Variants in CTCF observed in about 807,000 individuals in gnomAD.
CTCF encodes CCCTC-binding factor.
In CTCF, 7 loss-of-function variants were observed where a neutral mutation model predicts 72.3. The observed-to-expected ratio is 0.10, with a 90% CI of 0.06 to 0.18. CTCF has a LOEUF of 0.18. Ranked by LOEUF, CTCF falls within the 10% of genes least tolerant of loss-of-function variation. The pLI is 1.00. For missense variants in CTCF, 516 were observed against 949.1 expected (o/e 0.54, Z 6.00); for synonymous variants, 374 against 315.8 (o/e 1.18, Z -1.95).
At chr16:67,580,332 C>T (rs1465101395) in intron 2 of CTCF, among the ~76,000 whole-genome samples, 1 of 151,956 alleles carries the variant, frequency 6.6e-6, no homozygotes, top group Non-Finnish European at 1.5e-5. Context: ...GCCTCAAGCT[C>T]CTGAGTAGCT....
intron 10 of CTCF, among the ~76,000 whole-genome samples, chr16:67,631,181 T>TGAGACAGTG (rs2052360386): frequency 6.6e-6 from 1 of 150,430 alleles, no homozygotes; most frequent in African/African-American, 2.5e-5. Context: ...TGTTTTTTTT[T>TGAGACAGTG]TGAGACAGTG....
chr16:67,577,705 C>T (rs1261610886), intron 2 of CTCF, among the ~76,000 whole-genome samples: 1 of 152,012 alleles, frequency 6.6e-6, no homozygotes, highest in Non-Finnish European at 1.5e-5. Context: ...CCTCGGCCTC[C>T]CAAAGTGCTG....
At chr16:67,619,804 G>C (rs905617754) in intron 5 of CTCF, among the ~76,000 whole-genome samples, 1 of 152,094 alleles carries the variant, frequency 6.6e-6, no homozygotes, top group Admixed American at 6.6e-5. Context: ...GGCTGGTCTC[G>C]AACTCCTGAC....
chr16:67,631,160 TTTTTG>T (rs1342262711), intron 10 of CTCF, among the ~76,000 whole-genome samples: 1 of 135,598 alleles, frequency 7.4e-6, no homozygotes, highest in East Asian at 1.9e-4. Context: ...GTTTGTTTTT[TTTTTG>T]TTTTTTGTTT....
intron 2 of CTCF, among the ~76,000 whole-genome samples, chr16:67,588,057 C>G (rs1018870539): frequency 6.6e-6 from 1 of 151,986 alleles, no homozygotes; most frequent in Non-Finnish European, 1.5e-5. Context: ...GGGGTTTCAC[C>G]ATGTTGGACA....
intron 2 of CTCF, among the ~76,000 whole-genome samples, chr16:67,588,901 G>A (rs1378862637): frequency 2.6e-5 from 4 of 151,984 alleles, no homozygotes; most frequent in Non-Finnish European, 5.9e-5. Context: ...ATGTTGGCCA[G>A]GCTGGTCTCG....
Position 67,631,686 on chromosome 16 carries a change from C to A in CTCF, c.1837+2153C>A, listed in dbSNP as rs1195843044. 2.7e-4 allele frequency among the ~76,000 whole-genome samples: 31 copies of A among 116,080 alleles called. 1 individual carries two copies. Among genetic ancestry groups the A allele is most frequent in the East Asian group, 6.7e-4 (2 of 2,982 alleles). The allele number at this position is 116,080 out of a possible 152,430, so 76.2% of individuals were successfully genotyped here. ...CTGTAACAAGGTCCCCCCCACCCCC[C>A]CCCCCTTTTTTTTTTCCTTTTTTTA... On this transcript the variant is annotated intron_variant, in intron 10 of 11. Transcript: ENST00000264010.
At chr16:67,588,460 A>G (rs1263822488) in intron 2 of CTCF, among the ~76,000 whole-genome samples, 1 of 152,050 alleles carries the variant, frequency 6.6e-6, no homozygotes, top group Non-Finnish European at 1.5e-5. Context: ...GGTCTCTAAC[A>G]TAGTCTCTTA....
intron 1 of CTCF, among the ~76,000 whole-genome samples, chr16:67,564,742 G>C (rs2051320626): frequency 6.6e-6 from 1 of 152,174 alleles, no homozygotes; most frequent in Non-Finnish European, 1.5e-5. Flanking sequence ...AATCGAGCCA[G>C]GAGTAAAGCT....
intron 1 of CTCF, 47 bp from the exon 2 acceptor site, chr16:67,571,101 T>G (rs2051413092): frequency 1.3e-5 from 2 of 152,504 alleles, no homozygotes; most frequent in South Asian, 4.1e-4. Flanking sequence ...ATATGCGTAT[T>G]TGTATGAATT....
intron 1 of CTCF, chr16:67,568,114 C>G (rs968376550): frequency 6.6e-6 from 1 of 151,766 alleles, no homozygotes; most frequent in African/African-American, 2.4e-5. Context: ...GGAGTTCACT[C>G]TGTCTCCCAG....
intron 1 of CTCF, among the ~76,000 whole-genome samples, chr16:67,569,015 T>G (rs2051378174): frequency 6.6e-6 from 1 of 151,908 alleles, no homozygotes; most frequent in Admixed American, 6.6e-5. Flanking sequence ...TTTTTGTATT[T>G]TTTTTAGTAG....
chr16:67,631,086 A>G (rs1233433682), intron 10 of CTCF, among the ~76,000 whole-genome samples: 1 of 151,316 alleles, frequency 6.6e-6, no homozygotes, highest in Admixed American at 6.6e-5. Flanking sequence ...GGAGGGGTTG[A>G]GATTTTTGAA....
intron 10 of CTCF, among the ~76,000 whole-genome samples, chr16:67,632,661 A>G (rs962221556): frequency 2.0e-5 from 3 of 152,128 alleles, no homozygotes; most frequent in Non-Finnish European, 4.4e-5. Context: ...TTTTCCCCCA[A>G]TTCTGACTGA....
rs116105921 is a variant in CTCF, at chr16:67,625,123, C to T, written c.1358-1432C>T. 6.2e-3 allele frequency among the ~76,000 whole-genome samples: 943 copies of T among 152,046 alleles called. 6 individuals carry two copies. Among genetic ancestry groups the T allele is most frequent in the African/African-American group, 0.021 (874 of 41,468 alleles). On this transcript the variant is annotated intron_variant, in intron 7 of 11. Coordinates refer to ENST00000264010, the MANE Select transcript of CTCF (RefSeq NM_006565.4). ...TATTTTTCAGTAGAGACGGGTTTCA[C>T]TATATGTTGGCCAGGCCAGGTCTCA...
chr16:67,607,718 T>C (rs2142811836), intron 2 of CTCF, among the ~76,000 whole-genome samples: 1 of 152,042 alleles, frequency 6.6e-6, no homozygotes, highest in South Asian at 2.1e-4. Flanking sequence ...CTGGGCACAG[T>C]GCTAAAGAGT....
At position 67,628,435 on chromosome 16, in the gene CTCF, C is replaced by T. The variant is rs989266531; in HGVS notation, c.1584C>T (p.Cys528=). 13 of 1,614,088 alleles carry T rather than the reference C, an allele frequency of 8.1e-6. No homozygotes were observed. Among genetic ancestry groups the T allele is most frequent in the Middle Eastern group, 1.6e-4 (1 of 6,084 alleles). The change falls in exon 9 of 12, where the codon TGC becomes TGT. Residue 528 remains cysteine, a synonymous_variant. Transcript: ENST00000264010. ...AGAAGCCTTACGCCTGCAGCCACTG[C>T]GATAAGACCTTCCGCCAGAAGCAGC... is the stretch of plus-strand genomic sequence containing the variant. The part of the protein sequence containing the change: ...TGEKPYACSH[C]DKTFRQKQLL...
chr16:67,605,130 T>G (rs1385007641), intron 2 of CTCF, among the ~76,000 whole-genome samples: 1 of 151,648 alleles, frequency 6.6e-6, no homozygotes, highest in Non-Finnish European at 1.5e-5. Flanking sequence ...CCGCCACCAC[T>G]CCTGGCTAAT....
At chr16:67,565,588 GC>G (rs909191722) in intron 1 of CTCF, among the ~76,000 whole-genome samples, 8 of 150,190 alleles carry the variant, frequency 5.3e-5, no homozygotes, top group Non-Finnish European at 8.8e-5. Context: ...CAGGAGAACC[GC>G]TCGAACCTAG....
Sources: gnomAD v4.1 joint callset for allele counts (sites outside exome capture counted in the v4.1 genomes callset) on GRCh38, gnomAD v4.1.1 for gene constraint, MANE v1.5 for transcripts, NCBI Gene and HGNC (gene_info 2026-07-23, HGNC 2026-07-21) for gene names.